Variants in PCGF3 observed in about 807,000 individuals in gnomAD.
PCGF3 encodes polycomb group ring finger 3, also known as polycomb group RING finger protein 3.
Under a neutral mutation model 33.1 loss-of-function variants are expected in PCGF3, and 7 were observed. The observed-to-expected ratio is 0.21, with a 90% confidence interval of 0.12 to 0.40. The LOEUF is 0.40. Ranked by LOEUF, PCGF3 falls within the 10% of genes least tolerant of loss-of-function variation. The pLI is 1.00. For synonymous variants in PCGF3, 153 were observed against 121.3 expected (o/e 1.26, Z -1.72); for missense variants, 211 against 313.3 (o/e 0.67, Z 2.46).
At chr4:706,635 A>C (rs1310354888) in intron 1 of PCGF3, among the ~76,000 whole-genome samples, 26 of 99,536 alleles carry the variant, frequency 2.6e-4, no homozygotes, top group Non-Finnish European at 3.8e-4. Flanking sequence ...AAGACCCCAG[A>C]CCAGGCAGGA....
At chr4:754,721 G>A (rs1577436558) in intron 8 of PCGF3, among the ~76,000 whole-genome samples, 1 of 152,190 alleles carries the variant, frequency 6.6e-6, no homozygotes, top group Non-Finnish European at 1.5e-5. Flanking sequence ...TGAGATCGGG[G>A]TGTGCTGTGG....
intron 6 of PCGF3, among the ~76,000 whole-genome samples, chr4:740,988 C>G (rs1744065533): frequency 6.6e-6 from 1 of 152,228 alleles, no homozygotes; most frequent in African/African-American, 2.4e-5. Context: ...ACTTTCAGGG[C>G]TGCACTTCGA....
Position 743,679 on chromosome 4 carries a change from C to G in PCGF3, c.373+95C>G, listed in dbSNP as rs952380997. The G allele has an allele frequency of 1.4e-4, 103 of 728,082 alleles. 1 individual carries two copies. The East Asian group carries it at 2.8e-3, about 20-fold the overall frequency. 45.1% of individuals were successfully genotyped at this position (728,082 alleles called of 1,614,324 possible). A position where few individuals can be genotyped will look rare whatever the true frequency, so the allele number is the denominator to read the frequency against. On this transcript the variant is annotated intron_variant, in intron 7 of 10. Transcript: ENST00000362003. ...GCGCTGTCTGCCGGCCCCTCCCACACGCACTCACGGGAGAACGTGGGGGAA... is the reference window on the plus strand; with the variant it reads ...GCGCTGTCTGCCGGCCCCTCCCACAGGCACTCACGGGAGAACGTGGGGGAA...
chr4:732,346 C>G (rs1378323160), intron 3 of PCGF3: 1 of 152,436 alleles, frequency 6.6e-6, no homozygotes, highest in Non-Finnish European at 1.5e-5. Flanking sequence ...CCTCCCCTCC[C>G]TTCCCTTCCC....
At chr4:744,501 T>C in intron 7 of PCGF3, 99 bp from the exon 8 acceptor site, 1 of 888,810 alleles carries the variant, frequency 1.1e-6, no homozygotes, top group South Asian at 1.5e-5. Flanking sequence ...AGTCTCTTAA[T>C]GGAGTGAATT....
At chr4:762,073 A>G (rs73222810) in intron 9 of PCGF3, 49,206 of 985,296 alleles carry the variant, frequency 0.05, 1,353 homozygotes, top group South Asian at 0.11. Context: ...GGAGAAGTGG[A>G]CAGACTTGAG....
At chr4:710,222 C>T (rs1742507029) in intron 1 of PCGF3, among the ~76,000 whole-genome samples, 1 of 152,242 alleles carries the variant, frequency 6.6e-6, no homozygotes, top group African/African-American at 2.4e-5. Context: ...TGTGTCTCCT[C>T]TGAAGGCTGG....
chr4:752,646 G>A (rs907715334), intron 8 of PCGF3, among the ~76,000 whole-genome samples: 1 of 152,188 alleles, frequency 6.6e-6, no homozygotes, highest in Non-Finnish European at 1.5e-5. Context: ...ACTCGGGGGT[G>A]GGGGGCCATG....
At chr4:762,709 G>A (rs1745130604) in intron 9 of PCGF3, 1 of 152,322 alleles carries the variant, frequency 6.6e-6, no homozygotes, top group Non-Finnish European at 1.5e-5. Context: ...TGTGGCAGCA[G>A]CACGGAATGG....
At chr4:727,439 A>C (rs1207624498) in intron 1 of PCGF3, among the ~76,000 whole-genome samples, 5 of 151,710 alleles carry the variant, frequency 3.3e-5, no homozygotes, top group African/African-American at 1.2e-4. Context: ...ACAGAGCTTC[A>C]CCATGTTAGC....
At chr4:714,442 G>A (rs1156386002) in intron 1 of PCGF3, among the ~76,000 whole-genome samples, 2 of 152,226 alleles carry the variant, frequency 1.3e-5, no homozygotes, top group Admixed American at 1.3e-4. Flanking sequence ...AACTAGGGGA[G>A]GCCCCCACAC....
chr4:732,463 A>G (rs1211611390), intron 3 of PCGF3: 2 of 152,688 alleles, frequency 1.3e-5, no homozygotes, highest in African/African-American at 2.4e-5. Flanking sequence ...GAGGAGGAGA[A>G]GGGGAGGATT....
At chr4:755,312 C>A (rs1044453116) in intron 8 of PCGF3, among the ~76,000 whole-genome samples, 1 of 151,940 alleles carries the variant, frequency 6.6e-6, no homozygotes, top group African/African-American at 2.4e-5. Context: ...ATTTCTGATT[C>A]CAGTCTCCTG....
intron 6 of PCGF3, among the ~76,000 whole-genome samples, chr4:739,689 C>G (rs893617212): frequency 7.9e-5 from 12 of 152,236 alleles, no homozygotes; most frequent in African/African-American, 2.9e-4. Context: ...CCGGGTGGCA[C>G]TGAGATCTGC....
intron 6 of PCGF3, among the ~76,000 whole-genome samples, chr4:742,094 C>G (rs1476047700): frequency 6.6e-6 from 1 of 152,038 alleles, no homozygotes; most frequent in Non-Finnish European, 1.5e-5. Flanking sequence ...CCGGCCCCAC[C>G]TATCCCCTTG....
chr4:747,960 G>A (rs1397148657), intron 8 of PCGF3, among the ~76,000 whole-genome samples: 1 of 152,164 alleles, frequency 6.6e-6, no homozygotes, highest in Non-Finnish European at 1.5e-5. Context: ...TCAGTGGCCG[G>A]CTCTGGCCTC....
exon 11 of PCGF3, chr4:769,398 A>G (rs1417812438): frequency 6.5e-6 from 1 of 152,710 alleles, no homozygotes; most frequent in Non-Finnish European, 1.5e-5. Context: ...CATGGAAAAT[A>G]AGTTTAGTGC....
At chr4:706,511 C>T (rs1280124296) in intron 1 of PCGF3, among the ~76,000 whole-genome samples, 51 of 145,858 alleles carry the variant, frequency 3.5e-4, no homozygotes, top group Admixed American at 3.4e-3. Flanking sequence ...CAGGCAGGAC[C>T]CCGGGAGGGC....
At chr4:744,466 C>T in intron 7 of PCGF3, 134 bp from the exon 8 acceptor site, 3 of 684,232 alleles carry the variant, frequency 4.4e-6, no homozygotes, top group South Asian at 1.8e-5. Flanking sequence ...TTTCCTTTGA[C>T]GCTTACTCCG....
Sources: gnomAD v4.1 joint callset for allele counts (sites outside exome capture counted in the v4.1 genomes callset) on GRCh38, gnomAD v4.1.1 for gene constraint, MANE v1.5 for transcripts, NCBI Gene and HGNC (gene_info 2026-07-23, HGNC 2026-07-21) for gene names.